Variants in PTPRA observed in about 807,000 individuals in gnomAD.
PTPRA encodes the protein receptor-type tyrosine-protein phosphatase alpha.
PTPRA carries 25 observed loss-of-function variants against 104.8 expected under a neutral mutation model. The ratio of observed to expected loss-of-function variants is 0.24; its 90% CI spans 0.17 to 0.33. The LOEUF is 0.33. Ranked by LOEUF, PTPRA falls within the 10% of genes least tolerant of loss-of-function variation. PTPRA has a pLI of 1.00. For synonymous variants in PTPRA, 323 were observed against 368.9 expected (o/e 0.88, Z 1.43); for missense variants, 765 against 1,015.3 (o/e 0.75, Z 3.35).
intron 19 of PTPRA, among the ~76,000 whole-genome samples, 187 bp from the exon 20 acceptor site, chr20:3,027,520 C>T (rs1416288690): frequency 6.6e-6 from 1 of 152,202 alleles, no homozygotes; most frequent in Admixed American, 6.5e-5. Context: ...ATCCCTGTTC[C>T]ACTTCCCTGT....
Position 3,005,049 on chromosome 20 carries a change from C to T in PTPRA, c.739-7C>T, listed in dbSNP as rs935731083. The T allele has an allele frequency of 2.5e-6, 4 of 1,591,424 alleles. No homozygotes were observed. Among genetic ancestry groups the T allele is most frequent in the Non-Finnish European group, 3.4e-6 (4 of 1,159,688 alleles). On this transcript the variant is annotated splice_region_variant and splice_polypyrimidine_tract_variant and intron_variant, in intron 9 of 23. Transcript: ENST00000399903. ...AATAATTCCTCTAATTTCTCTTAAC[C>T]TTTCAGGCTCTCCCTGCATGTCCTA...
At chr20:2,924,136 T>TG (rs1249737033) in intron 2 of PTPRA, among the ~76,000 whole-genome samples, 2 of 152,134 alleles carry the variant, frequency 1.3e-5, no homozygotes, top group African/African-American at 4.8e-5. Flanking sequence ...TTGTGATATA[T>TG]GGTCAGGTGT....
At chr20:2,991,992 T>C (rs1433574478) in intron 9 of PTPRA, among the ~76,000 whole-genome samples, 1 of 152,238 alleles carries the variant, frequency 6.6e-6, no homozygotes, top group African/African-American at 2.4e-5. Context: ...TTAAGTAGTA[T>C]ACCCCATAGC....
At chr20:3,000,455 A>G (rs989488565) in intron 9 of PTPRA, among the ~76,000 whole-genome samples, 1 of 152,228 alleles carries the variant, frequency 6.6e-6, no homozygotes, top group Non-Finnish European at 1.5e-5. Flanking sequence ...GTTGATAAGC[A>G]TACGGAACTG....
At chr20:2,904,697 T>C (rs920635641) in intron 1 of PTPRA, among the ~76,000 whole-genome samples, 1 of 128,244 alleles carries the variant, frequency 7.8e-6, no homozygotes, top group African/African-American at 2.9e-5. Context: ...AATAGGCAAA[T>C]AACTAGAGAA....
Position 2,965,135 on chromosome 20 carries a change from C to T in PTPRA, c.348C>T (p.Ala116=). ...TTCCAGATAACCAGTTCACGGATGC[C>T]AGAACAGAACCCTGGGAGGGGAATT... ...TWLPDNQFTD[A]RTEPWEGNSS... The change falls in exon 5 of 24, where the codon GCC becomes GCT. Residue 116 remains alanine, a synonymous_variant. Transcript: ENST00000399903. The T allele has an allele frequency of 1.2e-6, 2 of 1,614,166 alleles. No individual in the cohort carries two copies. Among genetic ancestry groups the T allele is most frequent in the South Asian group, 1.1e-5 (1 of 91,080 alleles).
chr20:2,997,033 A>G (rs1397075337), intron 9 of PTPRA, among the ~76,000 whole-genome samples: 1 of 152,246 alleles, frequency 6.6e-6, no homozygotes, highest in Non-Finnish European at 1.5e-5. Context: ...TCTGTCAAAT[A>G]GAATGGCCAG....
chr20:3,006,458 C>T (rs963758819), intron 10 of PTPRA, among the ~76,000 whole-genome samples: 22 of 152,204 alleles, frequency 1.4e-4, no homozygotes, highest in African/African-American at 5.3e-4. Flanking sequence ...GGATTACGTG[C>T]ATGAGCCACC....
chr20:2,923,703 G>A (rs1402223874), intron 2 of PTPRA, among the ~76,000 whole-genome samples: 2 of 152,024 alleles, frequency 1.3e-5, no homozygotes, highest in East Asian at 1.9e-4. Context: ...GGAGGCTGAA[G>A]CAGGAGGATC....
intron 9 of PTPRA, among the ~76,000 whole-genome samples, chr20:2,996,023 C>T (rs1014967356): frequency 2.0e-5 from 3 of 152,206 alleles, no homozygotes; most frequent in African/African-American, 7.2e-5. Context: ...TTCTTTCCTT[C>T]CATCTGAACC....
chr20:2,888,453 G>A (rs2090495345), intron 1 of PTPRA, among the ~76,000 whole-genome samples: 1 of 151,948 alleles, frequency 6.6e-6, no homozygotes, highest in Non-Finnish European at 1.5e-5. Context: ...TAGCTACTTG[G>A]GAGGCTGAGG....
chr20:2,865,336 T>TGCATGTGGGTCCCAGGAC, the PTPRA span: 12 of 1,614,032 alleles, frequency 7.4e-6, no homozygotes, highest in Non-Finnish European at 1.0e-5. This position sits in a 1 kb window ranked among gnomAD's most constrained non-coding sequence, Gnocchi z 5.2. Flanking sequence ...GGGCCCAGGC[T>TGCATGTGGGTCCCAGGAC]GCATGTGGGT....
the PTPRA span, chr20:2,864,371 C>T: frequency 9.9e-6 from 16 of 1,614,028 alleles, no homozygotes; most frequent in Middle Eastern, 1.6e-4. The surrounding 1 kb of genome is among the most constrained non-coding windows in gnomAD (Gnocchi z 5.2). Context: ...GCAGTGTTCA[C>T]GGTGTTGCTG....
At chr20:2,956,661 A>AAAAT (rs3055404) in intron 3 of PTPRA, among the ~76,000 whole-genome samples, 1,518 of 150,446 alleles carry the variant, frequency 0.01, 6 homozygotes, top group Middle Eastern at 0.024. Context: ...TCAGTAAATA[A>AAAAT]AAATAAATAA....
chr20:3,015,303 CTTT>C (rs778457233), intron 11 of PTPRA, among the ~76,000 whole-genome samples: 5 of 134,628 alleles, frequency 3.7e-5, no homozygotes, highest in Non-Finnish European at 4.8e-5. Flanking sequence ...CTTTCTTTTT[CTTT>C]TTTTTTTTTT....
intron 10 of PTPRA, 72 bp downstream of exon 10, chr20:3,005,218 AG>A: frequency 7.0e-7 from 1 of 1,432,646 alleles, no homozygotes; most frequent in Non-Finnish European, 9.8e-7. Flanking sequence ...GAAGATGGAA[AG>A]AATCTTGCAA....
chr20:2,928,760 T>TA (rs746081574), intron 2 of PTPRA, among the ~76,000 whole-genome samples: 1 of 151,934 alleles, frequency 6.6e-6, no homozygotes, highest in Non-Finnish European at 1.5e-5. Flanking sequence ...CTGTCCTTTT[T>TA]AAAAACTCTT....
intron 1 of PTPRA, among the ~76,000 whole-genome samples, chr20:2,875,015 C>A (rs1247933582): frequency 6.6e-6 from 1 of 152,188 alleles, no homozygotes; most frequent in Non-Finnish European, 1.5e-5. Context: ...ATTTGAGAAG[C>A]TTCTTGCGGG....
upstream of PTPRA, among the ~76,000 whole-genome samples, chr20:2,869,226 C>T (rs149022786): frequency 4.7e-4 from 71 of 152,164 alleles, no homozygotes; most frequent in East Asian, 0.012. Context: ...GTCAATCCAT[C>T]GTATTTTTCA....
Sources: allele counts gnomAD v4.1 joint callset (sites outside exome capture counted in the v4.1 genomes callset), GRCh38; gene constraint gnomAD v4.1.1; non-coding constraint Gnocchi (gnomAD v3.1); transcripts MANE v1.5; gene names NCBI Gene and HGNC (gene_info 2026-07-23, HGNC 2026-07-21).